Variants in ZFHX3 observed in about 807,000 individuals in gnomAD.
ZFHX3 encodes the protein zinc finger homeobox protein 3.
Under a neutral mutation model 279.1 loss-of-function variants are expected in ZFHX3, and 42 were observed. The observed-to-expected ratio is 0.15, with a 90% CI of 0.12 to 0.19. The LOEUF (loss-of-function observed/expected upper bound fraction) is 0.19. ZFHX3 is among the 10% of genes least tolerant of loss of function. The probability of loss-of-function intolerance (pLI) is 1.00; values close to 1 mark genes in which losing one functional copy is unlikely to be tolerated. For synonymous variants in ZFHX3, 2,293 were observed against 1,957.8 expected, an observed-to-expected ratio of 1.17 and a Z score of -4.52; for missense variants, 4,981 against 4,754.0, an observed-to-expected ratio of 1.05 and a Z score of -1.40.
chr16:73,109,567 TTTAAAAATTTTC>T (rs1204152169), intron 7 of ZFHX3, among the ~76,000 whole-genome samples: 2 of 103,232 alleles, frequency 1.9e-5, no homozygotes, highest in Non-Finnish European at 5.0e-5. Context: ...ATTTTTTTTG[TTTAAAAATTTTC>T]CGGTGCAGTG....
intron 2 of ZFHX3, among the ~76,000 whole-genome samples, chr16:73,674,956 A>G (rs1436236249): frequency 6.6e-6 from 1 of 152,134 alleles, no homozygotes; most frequent in Admixed American, 6.5e-5. Context: ...TGCATGTCCT[A>G]ATAAATGATT....
chr16:73,654,793 G>C (rs972561167), intron 2 of ZFHX3, among the ~76,000 whole-genome samples: 2 of 144,472 alleles, frequency 1.4e-5, no homozygotes, highest in African/African-American at 5.1e-5. Context: ...TAGCAAACTA[G>C]AAATTAAAAT....
rs140437495 is a variant in ZFHX3 at position 72,787,930 on chromosome 16, G to A, written c.10346C>T (p.Ala3449Val). 6.2e-6 allele frequency: 10 copies of A among 1,613,880 alleles called. No homozygotes were observed. Among genetic ancestry groups the A allele is most frequent in the African/African-American group, 2.7e-5 (2 of 74,858 alleles). ...AATGAAGGGGTCGTAGAGGGAGTCC[G>A]CACTTTTGCTTTCTGCTTCTGGCTC... ...PEEPEAESKS[A>V]DSLYDPFIVP... Residue 3449 changes from alanine (A) to valine (V), a missense_variant, in exon 10 of 10, where the codon GCG becomes GTG. Around this residue, in one of 7 missense-constraint regions of ZFHX3, gnomAD observed 1,034 missense variants for 786.0 expected, o/e 1.32. Transcript: ENST00000268489.
intron 1 of ZFHX3, among the ~76,000 whole-genome samples, chr16:73,055,986 G>C (rs906447178): frequency 1.3e-5 from 2 of 152,144 alleles, no homozygotes; most frequent in Admixed American, 6.5e-5. Context: ...CAATAGGAAA[G>C]AGCATTTGCA....
At chr16:73,108,763 A>G (rs1314640369) in intron 7 of ZFHX3, among the ~76,000 whole-genome samples, 2 of 152,192 alleles carry the variant, frequency 1.3e-5, no homozygotes, top group South Asian at 2.1e-4. Flanking sequence ...CACTCCCATG[A>G]GGTCTTATTA....
intron 7 of ZFHX3, among the ~76,000 whole-genome samples, chr16:73,130,023 A>C (rs1966649328): frequency 6.6e-6 from 1 of 152,206 alleles, no homozygotes; most frequent in Non-Finnish European, 1.5e-5. Flanking sequence ...TCCAGAATGC[A>C]GAGGCGAAAG....
At position 73,131,005 on chromosome 16, in the gene ZFHX3, G is replaced by A. The variant is rs113307602; in HGVS notation, c.-934C>T. 201 of 1,305,142 alleles carry A rather than the reference G, an allele frequency of 1.5e-4. 2 individuals are homozygous for A. In the African/African-American group the frequency reaches 2.1e-3, roughly 13 times the overall value. 80.8% of individuals were successfully genotyped at this position (1,305,142 alleles called of 1,614,324 possible). On this transcript the variant is annotated 5_prime_UTR_variant, in exon 7 of 18. Coordinates refer to the ZFHX3 transcript ENST00000641206. ...GCCGCTTTGTGCCTGAGCTGGTGGCGCTGGTTCTGGAGTTAGACCCCCTGG... is the reference window on the plus strand; with the variant it reads ...GCCGCTTTGTGCCTGAGCTGGTGGCACTGGTTCTGGAGTTAGACCCCCTGG...
chr16:73,312,177 T>C (rs2015343622), intron 4 of ZFHX3, among the ~76,000 whole-genome samples: 3 of 151,952 alleles, frequency 2.0e-5, no homozygotes, highest in African/African-American at 7.3e-5. Flanking sequence ...GAGCTTGAAA[T>C]TGTGTCACGT....
intron 5 of ZFHX3, among the ~76,000 whole-genome samples, chr16:73,186,390 C>G (rs1967907833): frequency 6.6e-6 from 1 of 152,042 alleles, no homozygotes; most frequent in Non-Finnish European, 1.5e-5. Flanking sequence ...CCTCACCTAG[C>G]TCACTCTCTG....
At chr16:73,716,441 A>G (rs761578794) in intron 1 of ZFHX3, among the ~76,000 whole-genome samples, 2 of 152,148 alleles carry the variant, frequency 1.3e-5, no homozygotes, top group Non-Finnish European at 2.9e-5. Context: ...ATCGCAATTA[A>G]AAAGACGGGC....
intron 1 of ZFHX3, among the ~76,000 whole-genome samples, chr16:72,984,268 T>C (rs1962749032): frequency 6.6e-6 from 1 of 152,156 alleles, no homozygotes; most frequent in Non-Finnish European, 1.5e-5. Context: ...TCCTAGTCTA[T>C]CTACTGCCTC....
chr16:73,361,908 A>G (rs1289893025), intron 3 of ZFHX3, among the ~76,000 whole-genome samples: 1 of 152,144 alleles, frequency 6.6e-6, no homozygotes, highest in Non-Finnish European at 1.5e-5. Flanking sequence ...CAACACTGAC[A>G]TGGTCTGAAA....
At chr16:72,964,527 CCTTT>C (rs1225247080) in intron 1 of ZFHX3, among the ~76,000 whole-genome samples, 2 of 151,928 alleles carry the variant, frequency 1.3e-5, no homozygotes, top group East Asian at 3.9e-4. Flanking sequence ...CTCCTATGTG[CCTTT>C]ATTTCCCAAA....
At chr16:73,880,000 G>A (rs893746287) in intron 1 of ZFHX3, among the ~76,000 whole-genome samples, 2 of 152,130 alleles carry the variant, frequency 1.3e-5, no homozygotes, top group African/African-American at 4.8e-5. Flanking sequence ...GATTCATGGT[G>A]GTGTGTGAAA....
At chr16:73,391,572 G>C (rs899108750) in intron 3 of ZFHX3, among the ~76,000 whole-genome samples, 1 of 152,146 alleles carries the variant, frequency 6.6e-6, no homozygotes, top group Non-Finnish European at 1.5e-5. Context: ...GCCTTGGTTT[G>C]GCTCATCTGT....
At chr16:72,893,642 T>C (rs1175408344) in intron 3 of ZFHX3, among the ~76,000 whole-genome samples, 1 of 152,210 alleles carries the variant, frequency 6.6e-6, no homozygotes, top group Non-Finnish European at 1.5e-5. Context: ...TTATTCTGTC[T>C]GCCACTTTGA....
At chr16:73,132,278 C>G (rs962682571) in intron 6 of ZFHX3, among the ~76,000 whole-genome samples, 3 of 151,134 alleles carry the variant, frequency 2.0e-5, no homozygotes, top group Admixed American at 2.0e-4. Flanking sequence ...GAGCAAGACT[C>G]TGTCTCAAAA....
intron 1 of ZFHX3, among the ~76,000 whole-genome samples, chr16:72,962,230 C>T (rs1961614529): frequency 6.6e-6 from 1 of 152,256 alleles, no homozygotes; most frequent in Non-Finnish European, 1.5e-5. Flanking sequence ...AATCTCCTCT[C>T]CAGCCTGGGC....
intron 3 of ZFHX3, among the ~76,000 whole-genome samples, chr16:73,344,618 T>A (rs948490613): frequency 7.2e-5 from 11 of 152,120 alleles, no homozygotes; most frequent in Admixed American, 1.3e-4. Flanking sequence ...TACACCAACA[T>A]GTTTAGGGAT....
Sources: allele counts gnomAD v4.1 joint callset (sites outside exome capture counted in the v4.1 genomes callset), GRCh38; gene constraint gnomAD v4.1.1; regional missense constraint gnomAD v4.1.1; transcripts MANE v1.5; gene names NCBI Gene and HGNC (gene_info 2026-07-23, HGNC 2026-07-21).